ELOVL7: variants seen among roughly 807,000 people sequenced by gnomAD.
ELOVL7 encodes the protein ELOVL fatty acid elongase 7.
A neutral mutation model predicts 35.7 loss-of-function variants in ELOVL7; 27 were observed. The observed-to-expected ratio is 0.76, with a 90% CI of 0.56 to 1.04. The LOEUF (loss-of-function observed/expected upper bound fraction) is 1.04. ELOVL7 is among the 50% of genes least tolerant of loss of function. The pLI, the probability that ELOVL7 is intolerant of heterozygous loss-of-function variation, is 0.00. For missense variants in ELOVL7, 327 were observed against 340.8 expected, an observed-to-expected ratio of 0.96 and a Z score of 0.32; for synonymous variants, 113 against 114.6, an observed-to-expected ratio of 0.99 and a Z score of 0.09.
intron 1 of ELOVL7, among the ~76,000 whole-genome samples, chr5:60,828,584 C>T (rs1007977103): frequency 3.3e-5 from 5 of 151,950 alleles, no homozygotes; most frequent in Non-Finnish European, 5.9e-5. Context: ...TTTTTCCCTG[C>T]GCTAAGCCCA....
rs753795638 is a variant in ELOVL7, at chr5:60,784,102, T to C, written c.64+3232A>G. ...AGTAGAATGCCACATACATAGAATATTAATGGGCTTTTCCATCAGCTGCTT... is the reference window on the plus strand; with the variant it reads ...AGTAGAATGCCACATACATAGAATACTAATGGGCTTTTCCATCAGCTGCTT... On this transcript the variant is annotated intron_variant, in intron 3 of 8. Coordinates refer to ENST00000508821, the MANE Select transcript of ELOVL7 (RefSeq NM_024930.3). 1.2e-5 allele frequency: 18 copies of C among 1,447,942 alleles called. No individual in the cohort carries two copies. In the South Asian group the frequency reaches 2.1e-4, roughly 17 times the overall value. 89.7% of individuals were successfully genotyped at this position (1,447,942 alleles called of 1,614,324 possible). A position where few individuals can be genotyped will look rare whatever the true frequency, so the allele number is the denominator to read the frequency against.
chr5:60,824,314 G>A (rs1167063939), intron 1 of ELOVL7, among the ~76,000 whole-genome samples: 2 of 152,146 alleles, frequency 1.3e-5, no homozygotes, highest in East Asian at 3.9e-4. Context: ...CTTTAAGGCC[G>A]CTCACAAGTC....
At chr5:60,821,557 C>T (rs1745890798) in intron 1 of ELOVL7, among the ~76,000 whole-genome samples, 1 of 152,206 alleles carries the variant, frequency 6.6e-6, no homozygotes, top group African/African-American at 2.4e-5. Flanking sequence ...TTCTGCCTTC[C>T]TCTAACATGC....
At chr5:60,820,778 G>T (rs1745836971) in intron 1 of ELOVL7, among the ~76,000 whole-genome samples, 1 of 152,078 alleles carries the variant, frequency 6.6e-6, no homozygotes, top group South Asian at 2.1e-4. Flanking sequence ...TGTGGTGTAT[G>T]CCATCTTTAT....
chr5:60,759,608 C>CTTT (rs11371606), intron 7 of ELOVL7, among the ~76,000 whole-genome samples: 2 of 145,658 alleles, frequency 1.4e-5, no homozygotes, highest in African/African-American at 5.0e-5. Context: ...TGCCTATTTT[C>CTTT]TTTTTTTTTT....
chr5:60,782,341 G>A (rs931280132), intron 3 of ELOVL7, among the ~76,000 whole-genome samples: 1 of 151,958 alleles, frequency 6.6e-6, no homozygotes, highest in East Asian at 1.9e-4. Flanking sequence ...ACTACATGAA[G>A]GCTCTATAAA....
chr5:60,759,065 C>T (rs976764185), intron 7 of ELOVL7, among the ~76,000 whole-genome samples: 14 of 152,062 alleles, frequency 9.2e-5, no homozygotes, highest in Admixed American at 2.6e-4. Flanking sequence ...AATAATTATT[C>T]CTAATTGCAG....
At chr5:60,843,873 C>G (rs1747337135) in intron 1 of ELOVL7, among the ~76,000 whole-genome samples, 1 of 152,090 alleles carries the variant, frequency 6.6e-6, no homozygotes, top group Admixed American at 6.5e-5. Context: ...CGAGAAGGCG[C>G]AGGTGAGCGC....
At chr5:60,796,762 G>A (rs1490850269) in intron 2 of ELOVL7, among the ~76,000 whole-genome samples, 1 of 152,188 alleles carries the variant, frequency 6.6e-6, no homozygotes, top group Non-Finnish European at 1.5e-5. Flanking sequence ...TTTGCCTACT[G>A]CTTCTACACA....
At chr5:60,804,231 G>A (rs990602737) in intron 1 of ELOVL7, among the ~76,000 whole-genome samples, 6 of 152,100 alleles carry the variant, frequency 3.9e-5, no homozygotes, top group Non-Finnish European at 5.9e-5. Context: ...ACTTAATTGC[G>A]CTTATTTTTA....
rs115438442 is a variant in ELOVL7 at position 60,768,802 on chromosome 5, C to T, written c.256-899G>A. 534 of 379,448 alleles carry T rather than the reference C, an allele frequency of 1.4e-3. 5 individuals carry two copies. In the African/African-American group the frequency reaches 0.015, roughly 11 times the overall value. The allele number at this position is 379,448 out of a possible 1,614,324, so 23.5% of individuals were successfully genotyped here. ...AGTTCTTCTCATACATGCCAAATAC[C>T]CCCTGGGAGATCTTCTCTCTCAGTA... On this transcript the variant is annotated intron_variant, in intron 4 of 8. Coordinates refer to ENST00000508821, the MANE Select transcript of ELOVL7 (RefSeq NM_024930.3).
At chr5:60,820,691 C>T (rs1204414218) in intron 1 of ELOVL7, among the ~76,000 whole-genome samples, 1 of 152,168 alleles carries the variant, frequency 6.6e-6, no homozygotes, top group African/African-American at 2.4e-5. Context: ...TTCGTTCTCC[C>T]AATGAGTTGG....
intron 3 of ELOVL7, among the ~76,000 whole-genome samples, chr5:60,779,376 C>G (rs542991578): frequency 1.3e-5 from 2 of 152,200 alleles, no homozygotes; most frequent in Non-Finnish European, 2.9e-5. Context: ...CAGCAAACTT[C>G]GGCCTGGACA....
In ELOVL7 at chr5:60,751,837, C is replaced by T. The variant is rs1261990429; in HGVS notation, c.*2787G>A. 6.6e-6 allele frequency: 1 copy of T among 152,088 alleles called. No individual in the cohort carries two copies. The highest frequency in any genetic ancestry group is 2.4e-5 in the African/African-American group (1 of 41,410). 9.4% of individuals were successfully genotyped at this position (152,088 alleles called of 1,614,324 possible). A position where few individuals can be genotyped will look rare whatever the true frequency, so the allele number is the denominator to read the frequency against. ...ATTATAATACACAGGGAAAAACAAA[C>T]TCAAACTTTGACAACATCCACAGAA... On this transcript the variant is annotated 3_prime_UTR_variant, in exon 9 of 9. Coordinates refer to ENST00000508821, the MANE Select transcript of ELOVL7 (RefSeq NM_024930.3).
At chr5:60,816,976 A>G (rs1475816372) in intron 1 of ELOVL7, among the ~76,000 whole-genome samples, 1 of 152,208 alleles carries the variant, frequency 6.6e-6, no homozygotes, top group Admixed American at 6.5e-5. Context: ...GCGAATCTAT[A>G]ATTATTTCAA....
chr5:60,837,321 G>GGT (rs1746875983), intron 1 of ELOVL7, among the ~76,000 whole-genome samples: 2 of 120,690 alleles, frequency 1.7e-5, no homozygotes, highest in African/African-American at 6.3e-5. Flanking sequence ...GGGGTGGGGG[G>GGT]GGAGTGGGGG....
intron 1 of ELOVL7, among the ~76,000 whole-genome samples, chr5:60,832,167 T>G (rs1746517116): frequency 6.6e-6 from 1 of 152,144 alleles, no homozygotes; most frequent in Non-Finnish European, 1.5e-5. Flanking sequence ...CAGGTGACCT[T>G]GGGGAAAATC....
At chr5:60,771,017 A>G (rs16878412) in intron 4 of ELOVL7, among the ~76,000 whole-genome samples, 41,783 of 152,136 alleles carry the variant, frequency 0.27, 9,551 homozygotes, top group African/African-American at 0.63. Flanking sequence ...GTAGATTTAA[A>G]GTGATCGATA....
intron 1 of ELOVL7, among the ~76,000 whole-genome samples, chr5:60,835,190 G>GAA (rs60918884): frequency 1.8e-4 from 15 of 81,382 alleles, no homozygotes; most frequent in East Asian, 4.1e-4. Context: ...ATCCCATCTT[G>GAA]AAAAAAAAAA....
Sources: gnomAD v4.1 joint callset for allele counts (sites outside exome capture counted in the v4.1 genomes callset) on GRCh38, gnomAD v4.1.1 for gene constraint, MANE v1.5 for transcripts, NCBI Gene and HGNC (gene_info 2026-07-23, HGNC 2026-07-21) for gene names.